LRSAM1: variants seen among roughly 807,000 people sequenced by gnomAD.
LRSAM1 encodes the protein E3 ubiquitin-protein ligase LRSAM1.
In LRSAM1, 96 loss-of-function variants were observed where a neutral mutation model predicts 118.1. The observed-to-expected ratio is 0.81, with a 90% CI of 0.69 to 0.96. The LOEUF is 0.96. LRSAM1 is among the 40% of genes least tolerant of loss of function. The probability of loss-of-function intolerance (pLI) is 0.00; values close to 1 mark genes in which losing one functional copy is unlikely to be tolerated. For synonymous variants in LRSAM1, 322 were observed against 364.2 expected, an observed-to-expected ratio of 0.88 and a Z score of 1.32; for missense variants, 804 against 915.5, an observed-to-expected ratio of 0.88 and a Z score of 1.57.
At chr9:127,472,980 C>T (rs1186231549) in intron 10 of LRSAM1, among the ~76,000 whole-genome samples, 1 of 152,162 alleles carries the variant, frequency 6.6e-6, no homozygotes, top group African/African-American at 2.4e-5. Flanking sequence ...CCATCAGTCT[C>T]CATCCCATGA....
chr9:127,476,821 C>T (rs1171933351), intron 11 of LRSAM1, among the ~76,000 whole-genome samples: 1 of 151,976 alleles, frequency 6.6e-6, no homozygotes, highest in Non-Finnish European at 1.5e-5. Flanking sequence ...ATTACAGGCA[C>T]CTGCCACCAC....
chr9:127,498,452 C>T (rs938568038), intron 24 of LRSAM1, among the ~76,000 whole-genome samples: 3 of 152,218 alleles, frequency 2.0e-5, no homozygotes, highest in African/African-American at 7.2e-5. Flanking sequence ...CACAAACAAA[C>T]AGGTGCCCTT....
rs1301045846 is a variant in LRSAM1 at position 127,461,173 on chromosome 9, G to T, written c.322G>T (p.Val108Phe). The change falls in exon 8 of 26, where the codon GTC becomes TTC. Residue 108 changes from valine (V) to phenylalanine (F), a missense_variant and splice_region_variant. Coordinates refer to ENST00000300417, the MANE Select transcript of LRSAM1 (RefSeq NM_001005373.4). ...CTGGCTGCCTCTTCCTCTTTCTTAG[G>T]TCTTAAACGTGGAAAGGAATCAACT... ...DDLGQLTALQ[V>F]LNVERNQLMQ... The T allele has an allele frequency of 6.2e-7, 1 of 1,609,726 alleles. No individual in the cohort carries two copies. Among genetic ancestry groups the T allele is most frequent in the Admixed American group, 1.7e-5 (1 of 59,854 alleles).
intron 2 of LRSAM1, 63 bp from the exon 3 acceptor site, chr9:127,454,433 C>G: frequency 8.0e-7 from 1 of 1,247,014 alleles, no homozygotes; most frequent in Non-Finnish European, 1.2e-6. Flanking sequence ...ACTGCACTAC[C>G]TGTCCCGGGT....
chr9:127,485,417 C>T (rs749239725), intron 16 of LRSAM1, among the ~76,000 whole-genome samples: 3 of 151,836 alleles, frequency 2.0e-5, no homozygotes, highest in South Asian at 4.2e-4. Context: ...ATTAGGCGGG[C>T]GTGGTGGCAG....
intron 17 of LRSAM1, chr9:127,487,370 G>T (rs1406087459): frequency 5.4e-6 from 2 of 370,034 alleles, no homozygotes; most frequent in Non-Finnish European, 5.3e-6. Context: ...ACCCATGGAG[G>T]TGGCTGGGCA....
intron 14 of LRSAM1, among the ~76,000 whole-genome samples, chr9:127,480,370 A>G (rs1383564629): frequency 6.6e-6 from 1 of 152,196 alleles, no homozygotes; most frequent in African/African-American, 2.4e-5. Flanking sequence ...TTGCCTTAAC[A>G]AACCCTGTGC....
At chr9:127,472,662 AAAT>A (rs1222575209) in intron 10 of LRSAM1, among the ~76,000 whole-genome samples, 4 of 152,174 alleles carry the variant, frequency 2.6e-5, no homozygotes, top group East Asian at 3.9e-4. Flanking sequence ...AAATAAATAA[AAAT>A]AAAAATAAAC....
intron 20 of LRSAM1, among the ~76,000 whole-genome samples, chr9:127,491,686 C>T (rs922328151): frequency 5.9e-5 from 9 of 152,166 alleles, no homozygotes; most frequent in African/African-American, 1.2e-4. Context: ...TTGGGTGTCC[C>T]GGGTTGTCTG....
In LRSAM1 at chr9:127,479,406, C is replaced by T. The variant is rs771510127; in HGVS notation, c.804C>T (p.Leu268=). Residue 268 remains leucine, a synonymous_variant, in exon 13 of 26, where the codon CTC becomes CTT. Transcript: ENST00000300417. The part of the protein sequence containing the change: ...KRKEQKMLEK[L]EFERRLELGQ... ...AGGAACAGAAGATGCTGGAGAAACT[C>T]GAGTTTGAACGGCGCCTGGAACTGG... 1.4e-5 allele frequency: 23 copies of T among 1,614,048 alleles called. No individual in the cohort carries two copies. The highest frequency in any genetic ancestry group is 5.3e-5 in the African/African-American group (4 of 74,914).
At chr9:127,484,901 G>A (rs141660254) in intron 16 of LRSAM1, among the ~76,000 whole-genome samples, 2,043 of 148,222 alleles carry the variant, frequency 0.014, 47 homozygotes, top group African/African-American at 0.049. Context: ...TCTGCCTCCC[G>A]GGTTCAAGCG....
intron 16 of LRSAM1, among the ~76,000 whole-genome samples, chr9:127,484,553 T>C (rs1835657882): frequency 6.7e-6 from 1 of 150,290 alleles, no homozygotes; most frequent in African/African-American, 2.5e-5. Flanking sequence ...TGAGGTAGGG[T>C]CTCACTCTGT....
At chr9:127,460,531 T>A (rs1207084663) in intron 7 of LRSAM1, among the ~76,000 whole-genome samples, 1 of 152,178 alleles carries the variant, frequency 6.6e-6, no homozygotes, top group Non-Finnish European at 1.5e-5. Flanking sequence ...AAGTCTGTAG[T>A]CCCCTTCTCC....
intron 8 of LRSAM1, among the ~76,000 whole-genome samples, chr9:127,461,702 G>A (rs1834753801): frequency 6.6e-6 from 1 of 152,204 alleles, no homozygotes; most frequent in African/African-American, 2.4e-5. Context: ...CAAGGCCCGG[G>A]AAATCAAGTG....
chr9:127,451,579 C>T lies in LRSAM1; in HGVS notation c.-279C>T. ...CGCGGTGCGCTGAAGCTAGAGATTC[C>T]GAAAGGGGGTTCGGGTAGTTCGCTC... On this transcript the variant is annotated 5_prime_UTR_variant, in exon 1 of 26. Coordinates refer to ENST00000300417, the MANE Select transcript of LRSAM1 (RefSeq NM_001005373.4). The T allele has an allele frequency of 3.6e-6, 2 of 553,700 alleles. No homozygotes were observed. The highest frequency in any genetic ancestry group is 1.9e-5 in the African/African-American group (1 of 53,032). The allele number at this position is 553,700 out of a possible 1,614,324, so 34.3% of individuals were successfully genotyped here. A position where few individuals can be genotyped will look rare whatever the true frequency, so the allele number is the denominator to read the frequency against.
rs772644990 is a variant in LRSAM1, at chr9:127,485,786, A to G, written c.1210A>G (p.Met404Val). 2 of 1,614,138 alleles carry G rather than the reference A, an allele frequency of 1.2e-6. No individual in the cohort carries two copies. Among genetic ancestry groups the G allele is most frequent in the Non-Finnish European group, 1.7e-6 (2 of 1,180,016 alleles). The stretch of plus-strand genomic sequence containing the variant: ...GAGCTGTAAGAACCGGCTCATCCAG[A>G]TGGCCTACGAATCTCAGAGGCAGAA... ...TESCKNRLIQMAYESQRQNLV... is the reference protein window; with the variant it reads ...TESCKNRLIQVAYESQRQNLV... Residue 404 changes from methionine to valine, a missense_variant, in exon 17 of 26, where the codon ATG becomes GTG. Physicochemically the swap from Met to Val is conservative, Grantham distance 21. Transcript: ENST00000300417.
chr9:127,467,430 A>G (rs1834996686), intron 9 of LRSAM1, among the ~76,000 whole-genome samples: 1 of 150,686 alleles, frequency 6.6e-6, no homozygotes, highest in Non-Finnish European at 1.5e-5. Context: ...AGTTTACACT[A>G]GTTATGCCCT....
rs975344755 is a variant in LRSAM1 at position 127,451,529 on chromosome 9, G to T, written c.-329G>T. 2 of 605,864 alleles carry T rather than the reference G, an allele frequency of 3.3e-6. No homozygotes were observed. The highest frequency in any genetic ancestry group is 3.7e-5 in the African/African-American group (2 of 53,884). 37.5% of individuals were successfully genotyped at this position (605,864 alleles called of 1,614,324 possible). ...ATGTTTGTTGTGGGCAGGCGCCTGA[G>T]GCTGACGGCTGGCAAGCAGGGCACC... On this transcript the variant is annotated 5_prime_UTR_variant, in exon 1 of 26. The change creates a new upstream start codon in the 5' untranslated region. Coordinates refer to ENST00000300417, the MANE Select transcript of LRSAM1 (RefSeq NM_001005373.4).
chr9:127,485,928 C>T (rs1029862196), intron 17 of LRSAM1, 93 bp downstream of exon 17: 10 of 1,188,828 alleles, frequency 8.4e-6, no homozygotes, highest in Admixed American at 1.9e-5. Flanking sequence ...CTAAACCTCC[C>T]GCCCTGGGCC....
Sources: gnomAD v4.1 joint callset for allele counts (sites outside exome capture counted in the v4.1 genomes callset) on GRCh38, gnomAD v4.1.1 for gene constraint, MANE v1.5 for transcripts, NCBI Gene and HGNC (gene_info 2026-07-23, HGNC 2026-07-21) for gene names.